Variants in PSMA8 observed in about 807,000 individuals in gnomAD.
The protein encoded by PSMA8 is proteasome 20S subunit alpha 8, also known as proteasome subunit alpha-type 8.
Under a neutral mutation model 32.4 loss-of-function variants are expected in PSMA8, and 18 were observed. The observed-to-expected ratio is 0.56, with a 90% CI of 0.38 to 0.82. The LOEUF (loss-of-function observed/expected upper bound fraction) is 0.82, where lower values mean the gene tolerates loss of function less well. Among genes scored for constraint, PSMA8 ranks in the 40% least tolerant of loss-of-function variants. The probability of loss-of-function intolerance (pLI) is 0.00; values close to 1 mark genes in which losing one functional copy is unlikely to be tolerated. For missense variants in PSMA8, 298 were observed against 300.7 expected (o/e 0.99, Z 0.07); for synonymous variants, 104 against 98.1 (o/e 1.06, Z -0.36).
chr18:26,179,003 C>T (rs2055286909), intron 5 of PSMA8, 54 bp downstream of exon 5: 1 of 1,605,956 alleles, frequency 6.2e-7, no homozygotes, highest in Non-Finnish European at 8.5e-7. Flanking sequence ...TTTCCTCATC[C>T]ATTTTTGTTT....
intron 2 of PSMA8, among the ~76,000 whole-genome samples, chr18:26,148,833 C>T (rs181490239): frequency 6.6e-4 from 100 of 152,092 alleles, no homozygotes; most frequent in African/African-American, 2.0e-3. Context: ...ATCAACACCC[C>T]GGAGTAATTT....
chr18:26,162,899 G>A (rs2055146738), intron 4 of PSMA8, among the ~76,000 whole-genome samples: 2 of 151,630 alleles, frequency 1.3e-5, no homozygotes, highest in Admixed American at 1.3e-4. Flanking sequence ...AATCCTAAAG[G>A]TCCAGAAATA....
chr18:26,181,380 G>A (rs975363312), intron 6 of PSMA8, among the ~76,000 whole-genome samples: 1 of 152,088 alleles, frequency 6.6e-6, no homozygotes, highest in South Asian at 2.1e-4. Context: ...CTATTTACCT[G>A]TGTCTCTCCC....
intron 2 of PSMA8, among the ~76,000 whole-genome samples, chr18:26,146,365 A>C (rs2055003417): frequency 6.6e-6 from 1 of 152,184 alleles, no homozygotes. Flanking sequence ...ACTATCTCTT[A>C]AAAAATAAAA....
At chr18:26,183,982 C>G (rs754238526) in intron 6 of PSMA8, among the ~76,000 whole-genome samples, 1 of 150,840 alleles carries the variant, frequency 6.6e-6, no homozygotes, top group Admixed American at 6.6e-5. Flanking sequence ...TGGAGGCTTA[C>G]ATGATTGTTA....
chr18:26,151,103 G>C (rs1230427701), intron 2 of PSMA8, among the ~76,000 whole-genome samples: 2 of 152,210 alleles, frequency 1.3e-5, no homozygotes, highest in African/African-American at 2.4e-5. Flanking sequence ...TTCAGGGACT[G>C]AAGATTCTTC....
At chr18:26,139,401 C>G (rs1332480934) in intron 1 of PSMA8, among the ~76,000 whole-genome samples, 1 of 152,194 alleles carries the variant, frequency 6.6e-6, no homozygotes, top group Non-Finnish European at 1.5e-5. Flanking sequence ...CCTAGAGATG[C>G]ATGCAGCACT....
intron 6 of PSMA8, among the ~76,000 whole-genome samples, chr18:26,189,345 C>T (rs2055383509): frequency 6.6e-6 from 1 of 152,046 alleles, no homozygotes; most frequent in East Asian, 1.9e-4. Context: ...CTGGACAACA[C>T]AGTGAGACCT....
At chr18:26,178,209 C>A (rs1249990668) in intron 4 of PSMA8, among the ~76,000 whole-genome samples, 2 of 150,314 alleles carry the variant, frequency 1.3e-5, no homozygotes, top group African/African-American at 4.9e-5. Flanking sequence ...CAAAGTGAGA[C>A]CCTGTTTCAA....
At chr18:26,149,059 T>C (rs1442333065) in intron 2 of PSMA8, among the ~76,000 whole-genome samples, 1 of 152,026 alleles carries the variant, frequency 6.6e-6, no homozygotes, top group Non-Finnish European at 1.5e-5. Context: ...CCCAGGCTGG[T>C]CTCAAACTCT....
At chr18:26,184,775 A>T (rs75042914) in intron 6 of PSMA8, among the ~76,000 whole-genome samples, 2 of 136,150 alleles carry the variant, frequency 1.5e-5, no homozygotes, top group East Asian at 4.3e-4. Flanking sequence ...CTCTGTCTCA[A>T]AAAAAAAAAA....
chr18:26,176,158 A>G (rs565219415), intron 4 of PSMA8, among the ~76,000 whole-genome samples: 1 of 152,292 alleles, frequency 6.6e-6, no homozygotes, highest in Non-Finnish European at 1.5e-5. Flanking sequence ...GAGTGTGGCA[A>G]GAACAGGATA....
chr18:26,176,925 A>G (rs1598666511), intron 4 of PSMA8, among the ~76,000 whole-genome samples: 1 of 152,028 alleles, frequency 6.6e-6, no homozygotes, highest in East Asian at 1.9e-4. Context: ...AGAGTGAGAC[A>G]GTCTCAAAAA....
At chr18:26,167,794 T>C (rs183118875) in intron 4 of PSMA8, among the ~76,000 whole-genome samples, 18 of 151,936 alleles carry the variant, frequency 1.2e-4, no homozygotes, top group Admixed American at 1.2e-3. Flanking sequence ...CTTTAGCCTC[T>C]AGAACTTTGA....
intron 4 of PSMA8, among the ~76,000 whole-genome samples, chr18:26,162,017 G>T (rs555007893): frequency 6.6e-6 from 1 of 152,202 alleles, no homozygotes; most frequent in East Asian, 1.9e-4. Flanking sequence ...TTGTACTGAA[G>T]AAGATATTTA....
intron 1 of PSMA8, among the ~76,000 whole-genome samples, chr18:26,141,140 C>T (rs1409699465): frequency 6.6e-6 from 1 of 151,462 alleles, no homozygotes; most frequent in Non-Finnish European, 1.5e-5. Flanking sequence ...TTGTTTTCTC[C>T]CTAACCATTA....
At chr18:26,152,666 T>C (rs1219350299) in intron 3 of PSMA8, among the ~76,000 whole-genome samples, 1 of 152,190 alleles carries the variant, frequency 6.6e-6, no homozygotes, top group African/African-American at 2.4e-5. Context: ...GGTTTGAATG[T>C]GTCCCCCAAA....
At chr18:26,163,158 A>G (rs552956065) in intron 4 of PSMA8, among the ~76,000 whole-genome samples, 1 of 147,800 alleles carries the variant, frequency 6.8e-6, no homozygotes, top group Middle Eastern at 3.5e-3. Flanking sequence ...GAGGACAGAC[A>G]ATATAAAAAT....
chr18:26,171,712 CAACAGAG>C (rs2055223372), intron 4 of PSMA8, among the ~76,000 whole-genome samples: 1 of 150,810 alleles, frequency 6.6e-6, no homozygotes, highest in African/African-American at 2.4e-5. Flanking sequence ...CCAGCCTGGG[CAACAGAG>C]TGAGACTCCG....
Sources: allele counts gnomAD v4.1 joint callset (sites outside exome capture counted in the v4.1 genomes callset), GRCh38; gene constraint gnomAD v4.1.1; transcripts MANE v1.5; gene names NCBI Gene and HGNC (gene_info 2026-07-23, HGNC 2026-07-21).